FAM135B: variants seen among roughly 807,000 people sequenced by gnomAD.
The protein encoded by FAM135B is family with sequence similarity 135 member B, also known as protein FAM135B.
FAM135B carries 43 observed loss-of-function variants against 127.7 expected under a neutral mutation model. The ratio of observed to expected loss-of-function variants is 0.34; its 90% CI spans 0.26 to 0.43. FAM135B has a LOEUF of 0.43. Ranked by LOEUF, FAM135B falls within the 20% of genes least tolerant of loss-of-function variation. The pLI, the probability that FAM135B is intolerant of heterozygous loss-of-function variation, is 1.00. For synonymous variants in FAM135B, 670 were observed against 665.1 expected (o/e 1.01, Z -0.11); for missense variants, 1,558 against 1,725.6 (o/e 0.90, Z 1.72).
At chr8:138,173,991 G>A (rs73718227) in intron 11 of FAM135B, among the ~76,000 whole-genome samples, 9,667 of 152,174 alleles carry the variant, frequency 0.064, 545 homozygotes, top group East Asian at 0.17. Flanking sequence ...GACCCGTGGC[G>A]AAAGATGGTC....
In FAM135B at chr8:138,168,020, T is replaced by C; in HGVS notation, c.1133A>G (p.Asp378Gly). The change falls in exon 12 of 20, where the codon GAT (aspartate) becomes GGT (glycine). Residue 378 changes from aspartate to glycine, a missense_variant. By Grantham distance (94) the Asp-to-Gly change is moderately conservative. This residue lies in a region of FAM135B where 115 missense variants were observed against 171.1 expected (regional missense o/e 0.67). Coordinates refer to ENST00000395297, the MANE Select transcript of FAM135B (RefSeq NM_015912.4). Reference protein sequence around the residue: ...LIQTHSQLSLDIRNSEYLTSM... With the variant: ...LIQTHSQLSLGIRNSEYLTSM... ...AGTGAGGTACTCCGAGTTCCGGATA[T>C]CCAGGGACAGCTGGCTGTGCGTCTG... The C allele has an allele frequency of 6.2e-7, 1 of 1,613,718 alleles. No homozygotes were observed. The highest frequency in any genetic ancestry group is 8.5e-7 in the Non-Finnish European group (1 of 1,179,768).
intron 1 of FAM135B, among the ~76,000 whole-genome samples, chr8:138,442,267 T>TATATATATATATATATATATATACAC (rs34280434): frequency 1.2e-5 from 1 of 86,762 alleles, no homozygotes; most frequent in Non-Finnish European, 2.4e-5. Flanking sequence ...TATATATATA[T>TATATATATATATATATATATATACAC]ATATATATAT....
At chr8:138,209,292 TG>T (rs112485570) in intron 7 of FAM135B, among the ~76,000 whole-genome samples, 4,365 of 152,196 alleles carry the variant, frequency 0.029, 117 homozygotes, top group East Asian at 0.14. Flanking sequence ...AACCACAGGA[TG>T]TAGAGAGTGT....
Position 138,197,674 on chromosome 8 carries a change from G to A in FAM135B, c.670-5C>T, listed in dbSNP as rs1816766385. Reference sequence around the variant, plus strand: ...AGAGGTGATGTAGAAGCTTCCCTAAGGGGTGAAACAGAAACAGAGGCTGAG... The same window carrying A: ...AGAGGTGATGTAGAAGCTTCCCTAAAGGGTGAAACAGAAACAGAGGCTGAG... On this transcript the variant is annotated splice_region_variant and splice_polypyrimidine_tract_variant and intron_variant, in intron 7 of 19. Coordinates refer to ENST00000395297, the MANE Select transcript of FAM135B (RefSeq NM_015912.4). 6.2e-7 allele frequency: 1 copy of A among 1,612,368 alleles called. No individual in the cohort carries two copies. Among genetic ancestry groups the A allele is most frequent in the Non-Finnish European group, 8.5e-7 (1 of 1,178,562 alleles).
intron 1 of FAM135B, among the ~76,000 whole-genome samples, chr8:138,471,586 T>C (rs1001823039): frequency 1.3e-5 from 2 of 152,032 alleles, no homozygotes; most frequent in African/African-American, 4.8e-5. Context: ...GGACAGATTG[T>C]AGAAGTAAGT....
At position 138,337,511 on chromosome 8, in the gene FAM135B, G is replaced by T. The variant is rs1032389297; in HGVS notation, c.78-26591C>A. ...CATGAGTGAACTCCCATTCACAATT[G>T]CTTCAAAGAGAATAAAATACCCAGG... On this transcript the variant is annotated intron_variant, in intron 2 of 19. Transcript: ENST00000395297. Among the ~76,000 whole-genome samples the T allele has an allele frequency of 4.8e-4, 73 of 151,646 alleles. 2 individuals carry two copies. Among genetic ancestry groups the T allele is most frequent in the African/African-American group, 1.7e-3 (69 of 41,454 alleles).
chr8:138,362,304 T>TTA lies in FAM135B; in HGVS notation c.77+5602_77+5603insTA, dbSNP rs60369599. 6.2e-5 allele frequency among the ~76,000 whole-genome samples: 8 copies of TTA among 129,590 alleles called. No homozygotes were observed. The South Asian group carries it at 1.5e-3, about 25-fold the overall frequency. The allele number at this position is 129,590 out of a possible 152,430, so 85.0% of individuals were successfully genotyped here. A position where few individuals can be genotyped will look rare whatever the true frequency, so the allele number is the denominator to read the frequency against. ...ATATCTTTTTTTTTTTTTTTTTTTT[T>TTA]ACCAAATACCATTACACAATTTGGT... On this transcript the variant is annotated intron_variant, in intron 2 of 19. Transcript: ENST00000395297.
At chr8:138,291,689 A>G (rs1825121232) in intron 3 of FAM135B, among the ~76,000 whole-genome samples, 2 of 152,188 alleles carry the variant, frequency 1.3e-5, no homozygotes, top group Admixed American at 6.5e-5. Context: ...GACAAAAACC[A>G]TATCATCATC....
chr8:138,313,449 A>C (rs911466658), intron 2 of FAM135B, among the ~76,000 whole-genome samples: 1 of 151,904 alleles, frequency 6.6e-6, no homozygotes, highest in Non-Finnish European at 1.5e-5. Flanking sequence ...TATTCTAAAC[A>C]CAGAATTAAG....
At chr8:138,180,151 G>A (rs1234408983) in intron 9 of FAM135B, among the ~76,000 whole-genome samples, 1 of 152,172 alleles carries the variant, frequency 6.6e-6, no homozygotes, top group Non-Finnish European at 1.5e-5. Flanking sequence ...CTGGAGAGGT[G>A]AGAAGAGAGG....
chr8:138,431,137 A>G (rs143654636), intron 1 of FAM135B, among the ~76,000 whole-genome samples: 1 of 152,272 alleles, frequency 6.6e-6, no homozygotes, highest in African/African-American at 2.4e-5. Context: ...AACCACTGAA[A>G]ATGGGGAAAA....
chr8:138,155,264 C>A (rs2130809743), intron 12 of FAM135B, among the ~76,000 whole-genome samples: 1 of 152,260 alleles, frequency 6.6e-6, no homozygotes, highest in South Asian at 2.1e-4. Context: ...TTGTCACCAC[C>A]AGGCCTGCCT....
At position 138,453,245 on chromosome 8, in the gene FAM135B, G is replaced by A. The variant is rs193182258; in HGVS notation, c.-20+43426C>T. ...TATGGGGACATCAGCTTTTTTCCCC[G>A]CATTCAGAAATCCCACTTGCGAAAA... On this transcript the variant is annotated intron_variant, in intron 1 of 19. Transcript: ENST00000395297. Among the ~76,000 whole-genome samples, 6 of 152,120 alleles carry A rather than the reference G, an allele frequency of 3.9e-5. No individual in the cohort carries two copies. The East Asian group carries it at 5.8e-4, about 15-fold the overall frequency.
At chr8:138,345,987 G>A (rs548891622) in intron 2 of FAM135B, among the ~76,000 whole-genome samples, 1 of 152,252 alleles carries the variant, frequency 6.6e-6, no homozygotes, top group African/African-American at 2.4e-5. Context: ...ATTAAAAACT[G>A]GGCAAAGGAC....
chr8:138,401,719 C>A (rs1170865995), intron 1 of FAM135B, among the ~76,000 whole-genome samples: 3 of 152,166 alleles, frequency 2.0e-5, no homozygotes, highest in African/African-American at 7.2e-5. Flanking sequence ...ACAGAGATAA[C>A]AACCAATTGC....
chr8:138,132,512 G>A lies in FAM135B; in HGVS notation c.*81C>T, dbSNP rs1816289689. 2 of 1,162,680 alleles carry A rather than the reference G, an allele frequency of 1.7e-6. No homozygotes were observed. The highest frequency in any genetic ancestry group is 3.6e-5 in the Admixed American group (2 of 56,040). 72.0% of individuals were successfully genotyped at this position (1,162,680 alleles called of 1,614,324 possible). On this transcript the variant is annotated 3_prime_UTR_variant, in exon 20 of 20. Transcript: ENST00000395297. This position sits in a 1 kb window ranked among gnomAD's most constrained non-coding sequence, Gnocchi z 4.5. ...TGCTGTTGAAGCTTCATTCTGAAAT[G>A]GTGAGGTCTGTAAAAGCAGGTCTCA...
At chr8:138,335,379 G>T (rs4909417) in intron 2 of FAM135B, among the ~76,000 whole-genome samples, 1 of 152,112 alleles carries the variant, frequency 6.6e-6, no homozygotes, top group Non-Finnish European at 1.5e-5. Flanking sequence ...TATGGCATAC[G>T]TAATTTTAAA....
intron 9 of FAM135B, among the ~76,000 whole-genome samples, chr8:138,181,946 A>C (rs574084945): frequency 6.6e-6 from 1 of 152,018 alleles, no homozygotes; most frequent in African/African-American, 2.4e-5. Flanking sequence ...GCCCCAGCAC[A>C]ACAGCTGATA....
chr8:138,201,451 C>T lies in FAM135B; in HGVS notation c.670-3782G>A, dbSNP rs192108691. ...AGAGAAATCCTGAAAAAAAAATATA[C>T]GGCTAGAGAGTATTATAAACTAAAC... is the stretch of plus-strand genomic sequence containing the variant. On this transcript the variant is annotated intron_variant, in intron 7 of 19. Transcript: ENST00000395297. 2.2e-4 allele frequency among the ~76,000 whole-genome samples: 34 copies of T among 152,096 alleles called. 1 individual carries two copies. Among genetic ancestry groups the T allele is most frequent in the Admixed American group, 3.9e-4 (6 of 15,276 alleles).
Sources: gnomAD v4.1 joint callset for allele counts (sites outside exome capture counted in the v4.1 genomes callset) on GRCh38, gnomAD v4.1.1 for gene constraint, gnomAD v4.1.1 regional missense constraint, Gnocchi (gnomAD v3.1) non-coding constraint, MANE v1.5 for transcripts, NCBI Gene and HGNC (gene_info 2026-07-23, HGNC 2026-07-21) for gene names.